Variants in TMCC1 observed in about 807,000 individuals in gnomAD.
TMCC1 encodes the protein transmembrane and coiled-coil domains protein 1.
A neutral mutation model predicts 52.4 loss-of-function variants in TMCC1; 15 were observed. The observed-to-expected ratio is 0.29, with a 90% confidence interval of 0.19 to 0.44. The LOEUF (loss-of-function observed/expected upper bound fraction) is 0.44. Among genes scored for constraint, TMCC1 ranks in the 20% least tolerant of loss-of-function variants. TMCC1 has a pLI of 1.00. For missense variants in TMCC1, 503 were observed against 806.0 expected, an observed-to-expected ratio of 0.62 and a Z score of 4.55; for synonymous variants, 279 against 301.9, an observed-to-expected ratio of 0.92 and a Z score of 0.79.
At chr3:129,785,930 C>CT in intron 4 of TMCC1, among the ~76,000 whole-genome samples, 1 of 66,886 alleles carries the variant, frequency 1.5e-5, no homozygotes, top group African/African-American at 5.6e-5. Flanking sequence ...TTACCCTCAC[C>CT]CCCTTTTTTT....
In TMCC1 at chr3:129,718,897, T is replaced by C. The variant is rs372113760; in HGVS notation, c.577-47633A>G. On this transcript the variant is annotated intron_variant, in intron 4 of 6. Transcript: ENST00000393238. ...GTCAGCAATAGACTGTTAGTTAAGCTTTGGGGGAGTCAGAAGTTATACACG... is the reference window on the plus strand; with the variant it reads ...GTCAGCAATAGACTGTTAGTTAAGCCTTGGGGGAGTCAGAAGTTATACACG... Among the ~76,000 whole-genome samples the C allele has an allele frequency of 4.6e-5, 7 of 152,308 alleles. No individual in the cohort carries two copies. In the East Asian group the frequency reaches 1.3e-3, roughly 29 times the overall value.
At chr3:129,817,310 G>A (rs1346782310) in intron 4 of TMCC1, among the ~76,000 whole-genome samples, 1 of 151,940 alleles carries the variant, frequency 6.6e-6, no homozygotes, top group Admixed American at 6.6e-5. Context: ...TCGGCCGGGT[G>A]TGGTGGCCCA....
chr3:129,756,648 C>T (rs544817678), intron 4 of TMCC1, among the ~76,000 whole-genome samples: 141 of 150,936 alleles, frequency 9.3e-4, no homozygotes, highest in African/African-American at 3.2e-3. Context: ...CCACCCACCT[C>T]GGCCTCCCAA....
At chr3:129,893,292 G>C (rs894702960) in intron 1 of TMCC1, 2 of 152,430 alleles carry the variant, frequency 1.3e-5, no homozygotes, top group African/African-American at 4.8e-5. Context: ...TGGGATGCTG[G>C]GGGTCGAGTC....
rs374914583 is a variant in TMCC1, at chr3:129,693,966, T to C, written c.577-22702A>G. Among the ~76,000 whole-genome samples, 66 of 152,318 alleles carry C rather than the reference T, an allele frequency of 4.3e-4. 1 individual carries two copies. The highest frequency in any genetic ancestry group is 1.4e-3 in the African/African-American group (58 of 41,570). ...ACATCACATTTGAGAATAATTCTCA[T>C]TGACAAACTACTTTAAGAAACAATA... On this transcript the variant is annotated intron_variant, in intron 4 of 6. Coordinates refer to ENST00000393238, the MANE Select transcript of TMCC1 (RefSeq NM_001017395.5).
chr3:129,679,550 C>T (rs1370872912), intron 4 of TMCC1, among the ~76,000 whole-genome samples: 1 of 152,126 alleles, frequency 6.6e-6, no homozygotes. Flanking sequence ...GTGATCCGCC[C>T]ACCTTGGCCT....
chr3:129,862,374 A>C (rs533535169), intron 2 of TMCC1, among the ~76,000 whole-genome samples: 3 of 152,214 alleles, frequency 2.0e-5, no homozygotes, highest in African/African-American at 7.2e-5. Context: ...TATATAAAAT[A>C]TATCTCAAAA....
At chr3:129,772,861 G>A (rs551071530) in intron 4 of TMCC1, among the ~76,000 whole-genome samples, 2 of 151,862 alleles carry the variant, frequency 1.3e-5, no homozygotes, top group African/African-American at 4.8e-5. Context: ...TCACCTAACC[G>A]ATTGACAAAA....
At chr3:129,798,229 C>G (rs1488370951) in intron 4 of TMCC1, among the ~76,000 whole-genome samples, 1 of 151,860 alleles carries the variant, frequency 6.6e-6, no homozygotes, top group Non-Finnish European at 1.5e-5. Context: ...CTCCTGACCT[C>G]AGGTGATCCG....
intron 4 of TMCC1, among the ~76,000 whole-genome samples, chr3:129,788,426 C>G (rs1306608796): frequency 1.3e-5 from 2 of 152,116 alleles, no homozygotes; most frequent in Non-Finnish European, 2.9e-5. Context: ...CCCACTACAT[C>G]AACAATACAT....
At chr3:129,652,248 T>C (rs1373143532) in intron 6 of TMCC1, among the ~76,000 whole-genome samples, 6 of 152,242 alleles carry the variant, frequency 3.9e-5, no homozygotes, top group Non-Finnish European at 7.3e-5. Flanking sequence ...AGTGTATGCA[T>C]ATATGTGTCA....
At chr3:129,799,805 C>CT (rs1237154849) in intron 4 of TMCC1, among the ~76,000 whole-genome samples, 3 of 152,058 alleles carry the variant, frequency 2.0e-5, no homozygotes, top group Non-Finnish European at 4.4e-5. Context: ...GAGCGAGACT[C>CT]TGTCTCAGAA....
chr3:129,794,843 CAGAG>C (rs1375651433), intron 4 of TMCC1, among the ~76,000 whole-genome samples: 1 of 152,150 alleles, frequency 6.6e-6, no homozygotes, highest in Non-Finnish European at 1.5e-5. Context: ...GTCCCAGCAG[CAGAG>C]AGTGTCCACT....
At chr3:129,794,244 G>T in intron 4 of TMCC1, 1 of 453,794 alleles carries the variant, frequency 2.2e-6, no homozygotes, top group South Asian at 1.6e-5. Context: ...AGGCTTGACA[G>T]AACAGTTCCA....
chr3:129,857,780 G>C (rs1296457828), intron 2 of TMCC1, among the ~76,000 whole-genome samples: 1 of 151,982 alleles, frequency 6.6e-6, no homozygotes. Context: ...AGCCAGGATG[G>C]TCTCGATCTC....
At chr3:129,841,221 A>C (rs1421392463) in intron 2 of TMCC1, among the ~76,000 whole-genome samples, 1 of 152,192 alleles carries the variant, frequency 6.6e-6, no homozygotes, top group Admixed American at 6.5e-5. Context: ...CTTGAAAGAC[A>C]TGATTTAGAG....
intron 4 of TMCC1, among the ~76,000 whole-genome samples, chr3:129,726,868 CAAAAAAAAAAAAAAAA>C (rs550398948): frequency 3.1e-4 from 4 of 12,814 alleles, no homozygotes; most frequent in Non-Finnish European, 3.1e-4. Context: ...GACTCTGTCT[CAAAAAAAAAAAAAAAA>C]AAAAAAAAAA....
At chr3:129,777,225 C>T (rs546032601) in intron 4 of TMCC1, among the ~76,000 whole-genome samples, 3 of 152,228 alleles carry the variant, frequency 2.0e-5, no homozygotes, top group East Asian at 3.9e-4. Flanking sequence ...AATACAATAT[C>T]TGCAATACGA....
chr3:129,729,348 T>C (rs2050361657), intron 4 of TMCC1, among the ~76,000 whole-genome samples: 1 of 152,238 alleles, frequency 6.6e-6, no homozygotes, highest in South Asian at 2.1e-4. Flanking sequence ...GTTGTCATTG[T>C]ATATGACAAC....
Sources: allele counts gnomAD v4.1 joint callset (sites outside exome capture counted in the v4.1 genomes callset), GRCh38; gene constraint gnomAD v4.1.1; transcripts MANE v1.5; gene names NCBI Gene and HGNC (gene_info 2026-07-23, HGNC 2026-07-21).